UTRN: variants seen among roughly 807,000 people sequenced by gnomAD.
UTRN encodes dystrophin-related protein 1.
Under a neutral mutation model 463.9 loss-of-function variants are expected in UTRN, and 283 were observed. The ratio of observed to expected loss-of-function variants is 0.61; its 90% CI spans 0.55 to 0.67. The LOEUF (loss-of-function observed/expected upper bound fraction) is 0.67, where lower values mean the gene tolerates loss of function less well. Ranked by LOEUF, UTRN falls within the 30% of genes least tolerant of loss-of-function variation. The pLI is 0.00. For missense variants in UTRN, 3,922 were observed against 4,084.3 expected (o/e 0.96, Z 1.08); for synonymous variants, 1,442 against 1,431.5 (o/e 1.01, Z -0.17).
chr6:144,355,498 C>A (rs1778472501), intron 2 of UTRN, among the ~76,000 whole-genome samples: 1 of 152,046 alleles, frequency 6.6e-6, no homozygotes, highest in East Asian at 1.9e-4. Flanking sequence ...CATGCCTGGC[C>A]CATTTTTTCT....
chr6:144,459,001 A>T lies in UTRN; in HGVS notation c.2516A>T (p.Asp839Val). The T allele has an allele frequency of 6.2e-7, 1 of 1,603,308 alleles. No individual in the cohort carries two copies. The highest frequency in any genetic ancestry group is 8.5e-7 in the Non-Finnish European group (1 of 1,175,756). Residue 839 changes from aspartate to valine, a missense_variant, in exon 20 of 75, where the codon GAT (aspartate) becomes GTT (valine). Physicochemically the swap from Asp to Val is radical, Grantham distance 152 (BLOSUM62 -3). Coordinates refer to ENST00000367545, the MANE Select transcript of UTRN (RefSeq NM_007124.3). ...SSRQSLPSLKDSCQRELTNLL... is the reference protein window; with the variant it reads ...SSRQSLPSLKVSCQRELTNLL... ...CGGCAGTCCTTGCCAAGCTTGAAGG[A>T]TTCCTGTCAGGTAAGGAGCCAACGG...
At chr6:144,745,771 A>G (rs1361976576) in intron 54 of UTRN, among the ~76,000 whole-genome samples, 1 of 152,146 alleles carries the variant, frequency 6.6e-6, no homozygotes, top group Non-Finnish European at 1.5e-5. Context: ...AATTACCATA[A>G]TTAAGTTGTC....
intron 50 of UTRN, among the ~76,000 whole-genome samples, chr6:144,576,193 A>G (rs898622858): frequency 4.6e-5 from 7 of 152,156 alleles, no homozygotes; most frequent in Non-Finnish European, 7.4e-5. Flanking sequence ...GTTGGCCATT[A>G]TAGATAATGC....
At chr6:144,573,563 G>A (rs1801156004) in intron 50 of UTRN, among the ~76,000 whole-genome samples, 1 of 151,990 alleles carries the variant, frequency 6.6e-6, no homozygotes, top group Non-Finnish European at 1.5e-5. Context: ...AGGTGTAGTG[G>A]CAGGCGCCAA....
chr6:144,583,708 T>C (rs1256860388), intron 51 of UTRN: 1 of 456,088 alleles, frequency 2.2e-6, no homozygotes. Flanking sequence ...ATTCCCTTTC[T>C]TAGTAACTGA....
At chr6:144,505,803 AT>A (rs1794643870) in intron 34 of UTRN, among the ~76,000 whole-genome samples, 1 of 152,174 alleles carries the variant, frequency 6.6e-6, no homozygotes, top group Non-Finnish European at 1.5e-5. Flanking sequence ...AGTCCTGAAT[AT>A]CCTTGTTAAT....
Position 144,521,947 on chromosome 6 carries a change from A to AT in UTRN, c.5542-32dup, listed in dbSNP as rs1198106497. On this transcript the variant is annotated intron_variant, in intron 39 of 74. Coordinates refer to ENST00000367545, the MANE Select transcript of UTRN (RefSeq NM_007124.3). ...GGGGTATTTTAAGAGATATATATAT[A>AT]TATATATATTTTTTTTTTTGCTGTT... is the stretch of plus-strand genomic sequence containing the variant. 5.1e-6 allele frequency: 6 copies of AT among 1,188,004 alleles called. No individual in the cohort carries two copies. The African/African-American group carries it at 7.8e-5, about 15-fold the overall frequency. 73.6% of individuals were successfully genotyped at this position (1,188,004 alleles called of 1,614,324 possible).
chr6:144,798,968 C>A (rs1463570912), intron 64 of UTRN, among the ~76,000 whole-genome samples: 1 of 152,200 alleles, frequency 6.6e-6, no homozygotes, highest in East Asian at 1.9e-4. Flanking sequence ...TCTCAAACTC[C>A]CGACCATGTG....
intron 2 of UTRN, among the ~76,000 whole-genome samples, chr6:144,385,969 AAAGTGCTGGGATTAT>A (rs1387406029): frequency 6.6e-6 from 1 of 152,082 alleles, no homozygotes; most frequent in African/African-American, 2.4e-5. Context: ...TCAGCCTCCC[AAAGTGCTGGGATTAT>A]AGGCATGAGC....
chr6:144,302,356 C>T (rs1459477629), intron 2 of UTRN, among the ~76,000 whole-genome samples: 1 of 151,952 alleles, frequency 6.6e-6, no homozygotes, highest in Admixed American at 6.6e-5. Flanking sequence ...ACTAAAAATA[C>T]AAAAATCAGC....
chr6:144,332,879 T>C (rs1776435340), intron 2 of UTRN, among the ~76,000 whole-genome samples: 1 of 151,860 alleles, frequency 6.6e-6, no homozygotes, highest in South Asian at 2.1e-4. Flanking sequence ...ACGTAATCAG[T>C]AATGTTCTCA....
chr6:144,658,315 C>G (rs948795097), intron 51 of UTRN, among the ~76,000 whole-genome samples: 2 of 151,992 alleles, frequency 1.3e-5, no homozygotes, highest in African/African-American at 4.8e-5. Flanking sequence ...AAAACACATG[C>G]TATTTAAATA....
intron 51 of UTRN, among the ~76,000 whole-genome samples, chr6:144,602,300 T>G (rs1348965096): frequency 1.4e-5 from 2 of 147,716 alleles, no homozygotes; most frequent in African/African-American, 4.9e-5. Context: ...CCCGGCTGAT[T>G]TTTTTTTTTT....
intron 60 of UTRN, among the ~76,000 whole-genome samples, chr6:144,781,485 G>T (rs1227219014): frequency 6.6e-6 from 1 of 152,158 alleles, no homozygotes; most frequent in Non-Finnish European, 1.5e-5. Context: ...TAGTTTGGCT[G>T]TGATACAAAG....
chr6:144,492,056 T>C (rs749289463), intron 32 of UTRN, among the ~76,000 whole-genome samples: 1 of 152,204 alleles, frequency 6.6e-6, no homozygotes, highest in Admixed American at 6.5e-5. Context: ...AGGAAGTACA[T>C]GTGCACGTTT....
intron 58 of UTRN, among the ~76,000 whole-genome samples, chr6:144,764,766 AT>A (rs776611791): frequency 1.1e-4 from 17 of 152,218 alleles, no homozygotes; most frequent in Non-Finnish European, 2.2e-4. Flanking sequence ...ATAGAAAAAA[AT>A]AGAAGTAATT....
At chr6:144,559,343 C>T (rs1373216365) in intron 50 of UTRN, among the ~76,000 whole-genome samples, 1 of 151,920 alleles carries the variant, frequency 6.6e-6, no homozygotes, top group Non-Finnish European at 1.5e-5. Context: ...AATATTTAGA[C>T]ATGATTTAGA....
At chr6:144,431,145 GT>G (rs1184024995) in intron 9 of UTRN, among the ~76,000 whole-genome samples, 2 of 152,126 alleles carry the variant, frequency 1.3e-5, no homozygotes, top group Non-Finnish European at 2.9e-5. Flanking sequence ...TTCTGAGTTT[GT>G]TACAGGGTTT....
chr6:144,764,269 G>A (rs1793027130), intron 58 of UTRN, among the ~76,000 whole-genome samples: 1 of 152,084 alleles, frequency 6.6e-6, no homozygotes, highest in South Asian at 2.1e-4. Flanking sequence ...TAGAAAGCCT[G>A]CCCTGCAGCA....
Sources: gnomAD v4.1 joint callset for allele counts (sites outside exome capture counted in the v4.1 genomes callset) on GRCh38, gnomAD v4.1.1 for gene constraint, MANE v1.5 for transcripts, NCBI Gene and HGNC (gene_info 2026-07-23, HGNC 2026-07-21) for gene names.